The following KIAA0825 variants were observed in gnomAD, a reference collection of about 807,000 sequenced individuals.
KIAA0825 encodes the protein uncharacterized protein KIAA0825.
KIAA0825 carries 119 observed loss-of-function variants against 147.6 expected under a neutral mutation model. That is an observed-to-expected ratio of 0.81 (90% CI 0.69 to 0.94). The LOEUF is 0.94. Among genes scored for constraint, KIAA0825 ranks in the 40% least tolerant of loss-of-function variants. The probability of loss-of-function intolerance (pLI) is 0.00; values close to 1 mark genes in which losing one functional copy is unlikely to be tolerated. For missense variants in KIAA0825, 1,381 were observed against 1,472.7 expected (o/e 0.94, Z 1.02); for synonymous variants, 470 against 518.1 (o/e 0.91, Z 1.26).
In KIAA0825 at chr5:94,514,837, T is replaced by C. The variant is rs77229445; in HGVS notation, c.970+5411A>G. Among the ~76,000 whole-genome samples the C allele has an allele frequency of 7.0e-3, 1,064 of 152,266 alleles. 8 individuals are homozygous for C. The highest frequency in any genetic ancestry group is 0.024 in the African/African-American group (1,015 of 41,542). On this transcript the variant is annotated intron_variant, in intron 5 of 20. Transcript: ENST00000682413. ...GCCTTGGTTATCTTGAATGATCTTTTCATTCCTTGAGGGATTCACTTCCCT... is the reference window on the plus strand; with the variant it reads ...GCCTTGGTTATCTTGAATGATCTTTCCATTCCTTGAGGGATTCACTTCCCT...
chr5:94,390,975 A>G (rs1368853922), intron 18 of KIAA0825, among the ~76,000 whole-genome samples: 2 of 152,232 alleles, frequency 1.3e-5, no homozygotes, highest in African/African-American at 2.4e-5. Context: ...TACATTTTCA[A>G]TAAAACAGCC....
rs1176429699 is a variant in KIAA0825 at position 94,565,095 on chromosome 5, C to CTTTTTTT, written c.-2+17331_-2+17337dup. On this transcript the variant is annotated intron_variant, in intron 2 of 20. Transcript: ENST00000682413. ...CTCTTTCTCTCTCTTTCTTGCTTTC[C>CTTTTTTT]TTTTTTTTTTTTTTTTTTGGTAGAG... is the stretch of plus-strand genomic sequence containing the variant. Among the ~76,000 whole-genome samples, 22 of 52,920 alleles carry CTTTTTTT rather than the reference C, an allele frequency of 4.2e-4. 2 individuals carry two copies. The highest frequency in any genetic ancestry group is 1.1e-3 in the African/African-American group (14 of 12,748). The allele number at this position is 52,920 out of a possible 152,430, so 34.7% of individuals were successfully genotyped here. A position where few individuals can be genotyped will look rare whatever the true frequency, so the allele number is the denominator to read the frequency against.
At chr5:94,584,580 T>A (rs1025897306) in intron 1 of KIAA0825, among the ~76,000 whole-genome samples, 2 of 151,988 alleles carry the variant, frequency 1.3e-5, no homozygotes, top group African/African-American at 4.8e-5. Context: ...TACCTGAAAG[T>A]GATGGGGAGA....
chr5:94,344,534 C>T (rs995108875), intron 20 of KIAA0825, among the ~76,000 whole-genome samples: 4 of 152,010 alleles, frequency 2.6e-5, no homozygotes, highest in Admixed American at 2.6e-4. Context: ...GCATATAATC[C>T]AGCAATTTTG....
chr5:94,324,076 T>C (rs1780452861), intron 20 of KIAA0825, among the ~76,000 whole-genome samples: 1 of 152,014 alleles, frequency 6.6e-6, no homozygotes. Context: ...ACTTTGTGTT[T>C]TGACACCTTC....
At chr5:94,415,667 G>A (rs1753361966) in intron 15 of KIAA0825, 1 of 152,138 alleles carries the variant, frequency 6.6e-6, no homozygotes, top group African/African-American at 2.4e-5. Context: ...CTGCCCCTTT[G>A]AGCTTTCACA....
chr5:94,223,914 T>TATTTTTCCA (rs1049605665), intron 20 of KIAA0825, among the ~76,000 whole-genome samples: 5 of 152,074 alleles, frequency 3.3e-5, no homozygotes, highest in African/African-American at 1.2e-4. Context: ...AAGGTGGCAT[T>TATTTTTCCA]ATTTTTCCAA....
At chr5:94,168,692 A>G (rs1768299543) in intron 20 of KIAA0825, among the ~76,000 whole-genome samples, 1 of 152,232 alleles carries the variant, frequency 6.6e-6, no homozygotes, top group Non-Finnish European at 1.5e-5. Flanking sequence ...CTATTTGTCC[A>G]GCATTTAGTG....
intron 20 of KIAA0825, among the ~76,000 whole-genome samples, chr5:94,198,286 A>G (rs1200887731): frequency 6.6e-6 from 1 of 152,072 alleles, no homozygotes; most frequent in Non-Finnish European, 1.5e-5. Context: ...TAGAAATGCT[A>G]CTGATTTTTG....
At chr5:94,198,437 T>G (rs1294382656) in intron 20 of KIAA0825, among the ~76,000 whole-genome samples, 4 of 152,052 alleles carry the variant, frequency 2.6e-5, no homozygotes, top group Admixed American at 6.5e-5. Context: ...TTTAAATTTT[T>G]GTCTGCCTAC....
At chr5:94,577,194 G>T (rs190789221) in intron 2 of KIAA0825, among the ~76,000 whole-genome samples, 210 of 152,124 alleles carry the variant, frequency 1.4e-3, no homozygotes, top group Admixed American at 4.3e-3. Flanking sequence ...TCATTTTATA[G>T]AACCATCTGT....
At chr5:94,560,459 T>A (rs1777349032) in intron 2 of KIAA0825, among the ~76,000 whole-genome samples, 1 of 152,194 alleles carries the variant, frequency 6.6e-6, no homozygotes, top group South Asian at 2.1e-4. Context: ...AAATCAAGTA[T>A]CAGCAAACTA....
At chr5:94,333,817 G>C (rs1335621641) in intron 20 of KIAA0825, among the ~76,000 whole-genome samples, 3 of 152,100 alleles carry the variant, frequency 2.0e-5, no homozygotes, top group Admixed American at 1.3e-4. Flanking sequence ...CAGACACACA[G>C]AGAGCCAAAT....
chr5:94,459,045 C>T (rs913446261), intron 12 of KIAA0825, among the ~76,000 whole-genome samples: 4 of 152,032 alleles, frequency 2.6e-5, no homozygotes, highest in East Asian at 1.9e-4. Context: ...TTGCCTATTC[C>T]GGACATTTCT....
chr5:94,550,887 C>T (rs973625110), intron 2 of KIAA0825, among the ~76,000 whole-genome samples: 1 of 149,386 alleles, frequency 6.7e-6, no homozygotes, highest in Non-Finnish European at 1.5e-5. Flanking sequence ...GTAGTAGACA[C>T]TAATCACAAG....
intron 20 of KIAA0825, among the ~76,000 whole-genome samples, chr5:94,284,743 T>A (rs1387251557): frequency 6.6e-6 from 1 of 152,136 alleles, no homozygotes; most frequent in Admixed American, 6.6e-5. Flanking sequence ...CTGCCAATAA[T>A]GGCTCCCACT....
At chr5:94,164,501 T>G (rs1767859558) in intron 20 of KIAA0825, among the ~76,000 whole-genome samples, 1 of 151,892 alleles carries the variant, frequency 6.6e-6, no homozygotes, top group Non-Finnish European at 1.5e-5. Context: ...AACCTCTGCC[T>G]CCCAGGTTCA....
chr5:94,163,734 A>G (rs981261110), intron 20 of KIAA0825, among the ~76,000 whole-genome samples: 7 of 152,312 alleles, frequency 4.6e-5, no homozygotes, highest in African/African-American at 1.7e-4. Context: ...ATCAAAATAC[A>G]TAATACTAAC....
chr5:94,262,362 A>C (rs576452679), intron 20 of KIAA0825, among the ~76,000 whole-genome samples: 1 of 152,122 alleles, frequency 6.6e-6, no homozygotes, highest in African/African-American at 2.4e-5. Context: ...GAAATTTGGA[A>C]TACATGATAA....
Sources: gnomAD v4.1 joint callset for allele counts (sites outside exome capture counted in the v4.1 genomes callset) on GRCh38, gnomAD v4.1.1 for gene constraint, MANE v1.5 for transcripts, NCBI Gene and HGNC (gene_info 2026-07-23, HGNC 2026-07-21) for gene names.